Variants in TENM4 observed in about 807,000 individuals in gnomAD.
The protein encoded by TENM4 is teneurin-4.
TENM4 carries 82 observed loss-of-function variants against 243.3 expected under a neutral mutation model. That is an observed-to-expected ratio of 0.34 (90% CI 0.28 to 0.40). TENM4 has a LOEUF of 0.40. Among genes scored for constraint, TENM4 ranks in the 10% least tolerant of loss-of-function variants. TENM4 has a pLI of 1.00. For missense variants in TENM4, 3,138 were observed against 3,673.3 expected (o/e 0.85, Z 3.77); for synonymous variants, 1,412 against 1,456.3 (o/e 0.97, Z 0.69).
chr11:79,322,120 A>T (rs1590878468), intron 1 of TENM4, among the ~76,000 whole-genome samples: 2 of 152,122 alleles, frequency 1.3e-5, no homozygotes, highest in Admixed American at 1.3e-4. Flanking sequence ...GACTTACTCC[A>T]TATCCCTATG....
chr11:79,108,495 CTG>C (rs763722234), intron 4 of TENM4, among the ~76,000 whole-genome samples: 36 of 151,422 alleles, frequency 2.4e-4, no homozygotes, highest in South Asian at 1.3e-3. Flanking sequence ...CATATGTATA[CTG>C]TGTGTGTGTG....
chr11:79,320,819 A>C (rs1856875977), intron 1 of TENM4, among the ~76,000 whole-genome samples: 2 of 152,236 alleles, frequency 1.3e-5, no homozygotes, highest in African/African-American at 4.8e-5. Context: ...TCAGGTTTTC[A>C]AATTCTCCCT....
rs531746168 is a variant in TENM4 at position 79,335,483 on chromosome 11, T to A, written c.-320-37940A>T. On this transcript the variant is annotated intron_variant, in intron 1 of 33. Coordinates refer to ENST00000278550, the MANE Select transcript of TENM4 (RefSeq NM_001098816.3). The stretch of plus-strand genomic sequence containing the variant: ...GTATCTTCTCAAGCTGCCCAAACCA[T>A]CCATTGGTACATTTGTATCAATTTT... Among the ~76,000 whole-genome samples, 59 of 152,298 alleles carry A rather than the reference T, an allele frequency of 3.9e-4. 2 individuals are homozygous for A. The East Asian group carries it at 0.01, about 26-fold the overall frequency.
intron 10 of TENM4, among the ~76,000 whole-genome samples, chr11:78,862,579 A>G (rs370927045): frequency 6.6e-6 from 1 of 152,190 alleles, no homozygotes; most frequent in African/African-American, 2.4e-5. Context: ...ACAACACCCC[A>G]TCTACCTGCC....
At chr11:78,852,197 C>A (rs1858556583) in intron 12 of TENM4, among the ~76,000 whole-genome samples, 1 of 152,214 alleles carries the variant, frequency 6.6e-6, no homozygotes, top group Non-Finnish European at 1.5e-5. Context: ...GTGATAATTT[C>A]TACATCAGAG....
chr11:79,171,579 T>C lies in TENM4; in HGVS notation c.-162-22773A>G, dbSNP rs568061535. On this transcript the variant is annotated intron_variant, in intron 3 of 33. Transcript: ENST00000278550. ...TGGTGTTTTAGAAATCTTTAACAAC[T>C]GGGGAAGGAGAGAGGAAGAGGATCT... 2.2e-4 allele frequency among the ~76,000 whole-genome samples: 34 copies of C among 152,286 alleles called. No individual in the cohort carries two copies. In the South Asian group the frequency reaches 6.0e-3, roughly 27 times the overall value.
chr11:78,832,611 T>C (rs896345878), intron 12 of TENM4, among the ~76,000 whole-genome samples: 1 of 152,234 alleles, frequency 6.6e-6, no homozygotes, highest in Non-Finnish European at 1.5e-5. Context: ...ATAAAAATAA[T>C]ATTAACATCT....
intron 2 of TENM4, among the ~76,000 whole-genome samples, chr11:79,249,763 A>T (rs1855577964): frequency 6.6e-6 from 1 of 152,214 alleles, no homozygotes; most frequent in Non-Finnish European, 1.5e-5. Flanking sequence ...TTTATCTAAC[A>T]ACTCTCTGCT....
intron 24 of TENM4, among the ~76,000 whole-genome samples, chr11:78,721,707 C>T (rs1449481278): frequency 6.6e-6 from 1 of 152,212 alleles, no homozygotes; most frequent in Non-Finnish European, 1.5e-5. Flanking sequence ...TTTTCCCCTG[C>T]CCACTGTGGA....
At chr11:79,311,162 G>T (rs1388351590) in intron 1 of TENM4, among the ~76,000 whole-genome samples, 2 of 152,166 alleles carry the variant, frequency 1.3e-5, no homozygotes, top group South Asian at 2.1e-4. Flanking sequence ...GGCATTTCTA[G>T]CTTCTGACCG....
intron 32 of TENM4, among the ~76,000 whole-genome samples, chr11:78,664,308 C>T (rs114129445): frequency 0.048 from 7,283 of 152,068 alleles, 598 homozygotes; most frequent in African/African-American, 0.17. Context: ...CTCTGTCACC[C>T]AGGCTGGAGT....
intron 2 of TENM4, among the ~76,000 whole-genome samples, chr11:79,232,566 T>C (rs1029624620): frequency 6.6e-6 from 1 of 152,150 alleles, no homozygotes; most frequent in African/African-American, 2.4e-5. Context: ...TGGGCAGATG[T>C]GGTGAGGCAG....
chr11:79,248,986 C>T (rs973303319), intron 2 of TENM4, among the ~76,000 whole-genome samples: 8 of 152,180 alleles, frequency 5.3e-5, no homozygotes, highest in Non-Finnish European at 7.3e-5. Flanking sequence ...TTCAGCTTTC[C>T]GATGACACTA....
At chr11:79,125,497 C>A (rs1861855363) in intron 4 of TENM4, among the ~76,000 whole-genome samples, 1 of 152,122 alleles carries the variant, frequency 6.6e-6, no homozygotes. Flanking sequence ...CACAGCCTCA[C>A]CAGGTGTCTA....
chr11:79,206,768 T>C (rs1408246453), intron 3 of TENM4, among the ~76,000 whole-genome samples: 1 of 152,206 alleles, frequency 6.6e-6, no homozygotes, highest in East Asian at 1.9e-4. Context: ...TCCCCAGCTA[T>C]GTGGAACAAT....
intron 20 of TENM4, among the ~76,000 whole-genome samples, chr11:78,735,081 C>T (rs969408607): frequency 1.4e-4 from 21 of 152,186 alleles, no homozygotes; most frequent in African/African-American, 4.1e-4. Flanking sequence ...GAAAGGATTC[C>T]GCATGGAACC....
chr11:79,186,810 C>A (rs1565240705), intron 3 of TENM4, among the ~76,000 whole-genome samples: 1 of 152,170 alleles, frequency 6.6e-6, no homozygotes, highest in Non-Finnish European at 1.5e-5. Flanking sequence ...TACTTGAATG[C>A]ACTGAGATTA....
chr11:79,046,699 C>A (rs142267307), intron 6 of TENM4, among the ~76,000 whole-genome samples: 2 of 152,180 alleles, frequency 1.3e-5, no homozygotes, highest in African/African-American at 4.8e-5. Flanking sequence ...CCAGGGAATA[C>A]CAGAGATGGT....
At chr11:78,833,827 GA>G (rs1643140540) in intron 12 of TENM4, among the ~76,000 whole-genome samples, 1 of 152,186 alleles carries the variant, frequency 6.6e-6, no homozygotes, top group African/African-American at 2.4e-5. Flanking sequence ...TTTGGGTATA[GA>G]ATTTTAAATT....
Sources: gnomAD v4.1 joint callset for allele counts (sites outside exome capture counted in the v4.1 genomes callset) on GRCh38, gnomAD v4.1.1 for gene constraint, MANE v1.5 for transcripts, NCBI Gene and HGNC (gene_info 2026-07-23, HGNC 2026-07-21) for gene names.